Variants in KCNIP4 observed in about 807,000 individuals in gnomAD.
The protein encoded by KCNIP4 is potassium voltage-gated channel interacting protein 4.
In KCNIP4, 12 loss-of-function variants were observed where a neutral mutation model predicts 34.0. That is an observed-to-expected ratio of 0.35 (90% CI 0.23 to 0.57). The LOEUF is 0.57. Ranked by LOEUF, KCNIP4 falls within the 20% of genes least tolerant of loss-of-function variation. The pLI, the probability that KCNIP4 is intolerant of heterozygous loss-of-function variation, is 0.83. For synonymous variants in KCNIP4, 124 were observed against 102.2 expected, an observed-to-expected ratio of 1.21 and a Z score of -1.29; for missense variants, 238 against 311.7, an observed-to-expected ratio of 0.76 and a Z score of 1.78.
intron 1 of KCNIP4, among the ~76,000 whole-genome samples, chr4:21,529,164 G>A: frequency 6.6e-6 from 1 of 152,104 alleles, no homozygotes; most frequent in East Asian, 1.9e-4. Context: ...TACCATAATA[G>A]GCAGCAGCAT....
chr4:21,026,351 TA>T (rs1193965480), intron 1 of KCNIP4, among the ~76,000 whole-genome samples: 1 of 152,142 alleles, frequency 6.6e-6, no homozygotes, highest in East Asian at 1.9e-4. Flanking sequence ...GGCTTGAGAT[TA>T]AAGGGTCCAT....
chr4:21,005,292 C>T (rs1031954323), intron 1 of KCNIP4, among the ~76,000 whole-genome samples: 3 of 152,140 alleles, frequency 2.0e-5, no homozygotes, highest in Non-Finnish European at 4.4e-5. Flanking sequence ...GAGCTGGCCA[C>T]GTGTTTTCCC....
chr4:21,057,910 T>C (rs374258811), intron 1 of KCNIP4, among the ~76,000 whole-genome samples: 1 of 152,316 alleles, frequency 6.6e-6, no homozygotes, highest in East Asian at 1.9e-4. Context: ...TATTTTAAAA[T>C]GTCACACTGA....
chr4:21,829,860 C>T (rs1432183889), intron 1 of KCNIP4, among the ~76,000 whole-genome samples: 2 of 148,286 alleles, frequency 1.3e-5, no homozygotes, highest in African/African-American at 5.0e-5. Context: ...ATTAAATTAT[C>T]CAATGCAATC....
chr4:21,509,301 A>G (rs1734109257), intron 1 of KCNIP4, among the ~76,000 whole-genome samples: 1 of 152,178 alleles, frequency 6.6e-6, no homozygotes, highest in Non-Finnish European at 1.5e-5. Context: ...ATTAATAGTC[A>G]GTCCTCTTTT....
At position 20,791,743 on chromosome 4, in the gene KCNIP4, T is replaced by C. The variant is rs1249708564; in HGVS notation, c.289-32853A>G. ...GACATAATATCTAGATATTTGGTCA[T>C]ACTCTATTCTAGCTGTTCTCTGAAG... On this transcript the variant is annotated intron_variant, in intron 3 of 8. Coordinates refer to ENST00000382152, the MANE Select transcript of KCNIP4 (RefSeq NM_025221.6). Among the ~76,000 whole-genome samples the C allele has an allele frequency of 3.3e-5, 5 of 152,356 alleles. No homozygotes were observed. The East Asian group carries it at 7.7e-4, about 24-fold the overall frequency.
chr4:21,454,710 T>C (rs1728779787), intron 1 of KCNIP4, among the ~76,000 whole-genome samples: 1 of 152,134 alleles, frequency 6.6e-6, no homozygotes, highest in African/African-American at 2.4e-5. Context: ...CAATAAAGAA[T>C]TTTATTCAAG....
intron 4 of KCNIP4, 150 bp from the exon 5 acceptor site, chr4:20,749,882 T>C (rs1428821607): frequency 3.8e-6 from 2 of 521,290 alleles, no homozygotes; most frequent in East Asian, 3.0e-5. Context: ...CCTCTTTCTG[T>C]AGAGGACTAG....
At chr4:20,981,124 T>G (rs1390110117) in intron 1 of KCNIP4, among the ~76,000 whole-genome samples, 3 of 152,196 alleles carry the variant, frequency 2.0e-5, no homozygotes, top group Non-Finnish European at 2.9e-5. Flanking sequence ...TTGGACTTCA[T>G]CCTCAGACTC....
chr4:20,816,559 T>C (rs2149439644), intron 3 of KCNIP4, among the ~76,000 whole-genome samples: 1 of 152,328 alleles, frequency 6.6e-6, no homozygotes, highest in Middle Eastern at 3.4e-3. Context: ...AATTTTCTAG[T>C]GTACTGAGCT....
intron 1 of KCNIP4, among the ~76,000 whole-genome samples, chr4:21,491,469 G>C (rs187064224): frequency 9.1e-4 from 138 of 152,202 alleles, no homozygotes; most frequent in Admixed American, 2.6e-3. Flanking sequence ...TGGTCTTCTG[G>C]GTTCAAGTGA....
At chr4:21,480,465 A>G (rs1419517761) in intron 1 of KCNIP4, among the ~76,000 whole-genome samples, 1 of 152,180 alleles carries the variant, frequency 6.6e-6, no homozygotes, top group Non-Finnish European at 1.5e-5. Context: ...CCTTATCAAA[A>G]CATCATACTT....
At chr4:20,971,479 C>CT (rs147957770) in intron 1 of KCNIP4, among the ~76,000 whole-genome samples, 31,641 of 148,746 alleles carry the variant, frequency 0.21, 3,657 homozygotes, top group Middle Eastern at 0.36. Flanking sequence ...GCAAACCATA[C>CT]TTTTTTTTTT....
At chr4:21,416,267 C>T (rs2109608146) in intron 1 of KCNIP4, among the ~76,000 whole-genome samples, 1 of 152,236 alleles carries the variant, frequency 6.6e-6, no homozygotes, top group Middle Eastern at 3.4e-3. Context: ...AAATGGAATA[C>T]ACAAAGAGTT....
intron 1 of KCNIP4, among the ~76,000 whole-genome samples, chr4:21,116,174 A>C (rs148223197): frequency 6.6e-6 from 1 of 152,310 alleles, no homozygotes; most frequent in East Asian, 1.9e-4. Context: ...TAAGATTTTT[A>C]AAATTCCTTT....
At chr4:21,484,430 T>TA (rs71191509) in intron 1 of KCNIP4, among the ~76,000 whole-genome samples, 15 of 149,458 alleles carry the variant, frequency 1.0e-4, no homozygotes, top group East Asian at 2.0e-4. Flanking sequence ...TCCGTCACAA[T>TA]AAAAAAAAAA....
At chr4:21,637,376 A>G (rs1400403977) in intron 1 of KCNIP4, among the ~76,000 whole-genome samples, 2 of 152,160 alleles carry the variant, frequency 1.3e-5, no homozygotes, top group African/African-American at 2.4e-5. Flanking sequence ...AGCTACTCAC[A>G]TGGGTTTATG....
At chr4:21,516,635 C>T (rs989698841) in intron 1 of KCNIP4, among the ~76,000 whole-genome samples, 3 of 152,118 alleles carry the variant, frequency 2.0e-5, no homozygotes, top group Non-Finnish European at 4.4e-5. Context: ...TCCCTCAGCA[C>T]GAGTCAGAAA....
At chr4:21,197,586 T>C (rs528327641) in intron 1 of KCNIP4, among the ~76,000 whole-genome samples, 67 of 152,216 alleles carry the variant, frequency 4.4e-4, no homozygotes, top group Non-Finnish European at 5.4e-4. Context: ...ACTAGTTTAG[T>C]TTCCATAAAT....
Sources: allele counts gnomAD v4.1 joint callset (sites outside exome capture counted in the v4.1 genomes callset), GRCh38; gene constraint gnomAD v4.1.1; transcripts MANE v1.5; gene names NCBI Gene and HGNC (gene_info 2026-07-23, HGNC 2026-07-21).